Variants in MMP8 observed in about 807,000 individuals in gnomAD.
MMP8 encodes the protein neutrophil collagenase.
A neutral mutation model predicts 51.2 loss-of-function variants in MMP8; 67 were observed. The ratio of observed to expected loss-of-function variants is 1.31; its 90% CI spans 1.08 to 1.60. MMP8 has a LOEUF of 1.60. Ranked by LOEUF, MMP8 falls within the 40% of genes most tolerant of loss-of-function variation. The pLI is 0.00. For synonymous variants in MMP8, 225 were observed against 191.0 expected, an observed-to-expected ratio of 1.18 and a Z score of -1.47; for missense variants, 654 against 558.1, an observed-to-expected ratio of 1.17 and a Z score of -1.73.
rs971169359 is a variant in MMP8, at chr11:102,716,320, AT to A, written c.883del (p.Ile295TyrfsTer21). ...FDAITTLRGEILFFKDRYFWR... is the reference protein window; with the variant it reads ...FDAITTLRGEXLFFKDRYFWR... ...TTTATACCTGTCTTTAAAGAAAAGTATTTCTCCACGGAGTGTGGTGATAGCA... is the reference window on the plus strand; with the variant it reads ...TTTATACCTGTCTTTAAAGAAAAGTATTCTCCACGGAGTGTGGTGATAGCA... On this transcript the variant is annotated frameshift_variant, in exon 6 of 10. Transcript: ENST00000236826. LOFTEE classifies it high-confidence loss of function. 3.7e-5 allele frequency: 57 copies of A among 1,548,396 alleles called. No homozygotes were observed. Among genetic ancestry groups the A allele is most frequent in the Non-Finnish European group, 4.9e-5 (56 of 1,139,780 alleles).
chr11:102,716,158 T>C (rs1861286017), intron 6 of MMP8, 144 bp downstream of exon 6: 1 of 536,626 alleles, frequency 1.9e-6, no homozygotes, highest in Non-Finnish European at 3.3e-6. Flanking sequence ...ATCCTAGTGG[T>C]GCCCCAGAAC....
At chr11:102,723,440 C>A in intron 1 of MMP8, 1 of 434,494 alleles carries the variant, frequency 2.3e-6, no homozygotes, top group Non-Finnish European at 4.6e-6. Flanking sequence ...ATATCTGAAG[C>A]TGGGTAACTT....
Position 102,721,702 on chromosome 11 carries a change from G to C in MMP8, c.408C>G (p.Ala136=). ...GTGATGCAACACTCCAGAGTTCAAA[G>C]GCATCCTTGATAGCTCTTTCTACCT... ...EAEVERAIKD[A]FELWSVASPL... Residue 136 remains alanine, a synonymous_variant, in exon 3 of 10, where the codon GCC becomes GCG. Transcript: ENST00000236826. 1 of 1,613,828 alleles carries C rather than the reference G, an allele frequency of 6.2e-7. No individual in the cohort carries two copies. The highest frequency in any genetic ancestry group is 1.1e-5 in the South Asian group (1 of 91,074).
At chr11:102,723,202 G>C (rs1861525698) in intron 1 of MMP8, 1 of 462,402 alleles carries the variant, frequency 2.2e-6, no homozygotes, top group Non-Finnish European at 4.0e-6. Flanking sequence ...ATATCTTTTA[G>C]GGGAACAGCA....
At chr11:102,717,467 T>C (rs1861331704) in intron 5 of MMP8, among the ~76,000 whole-genome samples, 1 of 152,242 alleles carries the variant, frequency 6.6e-6, no homozygotes, top group East Asian at 1.9e-4. Context: ...ATATATTGTG[T>C]AATTTAATTA....
At chr11:102,724,118 A>G (rs1276090867) in intron 1 of MMP8, among the ~76,000 whole-genome samples, 1 of 152,216 alleles carries the variant, frequency 6.6e-6, no homozygotes, top group Non-Finnish European at 1.5e-5. Flanking sequence ...TCTCCAAACT[A>G]TAATGCTAAG....
chr11:102,716,438 A>T lies in MMP8; in HGVS notation c.785-19T>A. 7.0e-7 allele frequency: 1 copy of T among 1,437,296 alleles called. No homozygotes were observed. Among genetic ancestry groups the T allele is most frequent in the Non-Finnish European group, 9.5e-7 (1 of 1,053,074 alleles). The allele number at this position is 1,437,296 out of a possible 1,614,324, so 89.0% of individuals were successfully genotyped here. On this transcript the variant is annotated intron_variant, in intron 5 of 9. Transcript: ENST00000236826. ...GAAAGTCCTGGAAAAAAAAAAAAAA[A>T]AAAAAAAAAGGTCTTTCTTATGAGA...
chr11:102,720,768 A>G (rs938254667), intron 4 of MMP8, among the ~76,000 whole-genome samples: 2 of 152,152 alleles, frequency 1.3e-5, no homozygotes, highest in African/African-American at 4.8e-5. Flanking sequence ...ATGAGAGGGA[A>G]GGTGTCTGTT....
In MMP8 at chr11:102,713,282, A is replaced by T. The variant is rs367905238; in HGVS notation, c.*66T>A. On this transcript the variant is annotated 3_prime_UTR_variant, in exon 10 of 10. Transcript: ENST00000236826. ...AAAAGTATAAGCAGGACACAATGTA[A>T]CGAAAATGCTTGCTGAACTTCCCTT... is the stretch of plus-strand genomic sequence containing the variant. The T allele has an allele frequency of 1.4e-5, 15 of 1,090,540 alleles. No individual in the cohort carries two copies. Among genetic ancestry groups the T allele is most frequent in the African/African-American group, 1.2e-4 (8 of 64,272 alleles). The allele number at this position is 1,090,540 out of a possible 1,614,324, so 67.6% of individuals were successfully genotyped here. A position where few individuals can be genotyped will look rare whatever the true frequency, so the allele number is the denominator to read the frequency against.
chr11:102,722,213 T>G (rs578005585), intron 2 of MMP8, among the ~76,000 whole-genome samples: 1 of 152,166 alleles, frequency 6.6e-6, no homozygotes, highest in African/African-American at 2.4e-5. Context: ...CTCTTTAGAT[T>G]GTTGGAGAAG....
chr11:102,723,296 A>C (rs7123682), intron 1 of MMP8, among the ~76,000 whole-genome samples: 21,978 of 152,200 alleles, frequency 0.14, 2,215 homozygotes, highest in East Asian at 0.54. Context: ...GTTTAGCCTA[A>C]AAATTACCTA....
At position 102,724,898 on chromosome 11, in the gene MMP8, C is replaced by T. The variant is rs752268472; in HGVS notation, c.-43G>A. The T allele has an allele frequency of 2.5e-6, 4 of 1,586,548 alleles. No individual in the cohort carries two copies. In the African/African-American group the frequency reaches 5.4e-5, roughly 21 times the overall value. On this transcript the variant is annotated 5_prime_UTR_variant, in exon 1 of 10. Transcript: ENST00000236826. Reference sequence around the variant, plus strand: ...CTACCCCTCCTGGCTTTCTTTCTGTCCCTCTGGGTAGGGCCCTTCCCTGGC... The same window carrying T: ...CTACCCCTCCTGGCTTTCTTTCTGTTCCTCTGGGTAGGGCCCTTCCCTGGC...
At chr11:102,722,854 T>A in intron 1 of MMP8, 181 bp from the exon 2 acceptor site, 1 of 1,066,314 alleles carries the variant, frequency 9.4e-7, no homozygotes, top group Non-Finnish European at 1.3e-6. Flanking sequence ...GAACAGTTCC[T>A]CCACTCAGTG....
chr11:102,718,885 G>A (rs1038100536), intron 4 of MMP8, among the ~76,000 whole-genome samples: 7 of 152,156 alleles, frequency 4.6e-5, no homozygotes, highest in South Asian at 2.1e-4. Context: ...TGGCAGAGCC[G>A]TCATGACTTT....
At chr11:102,723,438 A>C (rs34546185) in intron 1 of MMP8, 1 of 432,654 alleles carries the variant, frequency 2.3e-6, no homozygotes, top group Non-Finnish European at 4.6e-6. Flanking sequence ...GAATATCTGA[A>C]GCTGGGTAAC....
chr11:102,718,464 C>T lies in MMP8; in HGVS notation c.734G>A (p.Ser245Asn). ...GTCATCTTGAGGGAGTGAGTAGTTG[C>T]TGGTTTCCCTGAAAGCATAGTTGGG... ...MYPNYAFRET[S>N]NYSLPQDDID... Residue 245 changes from serine to asparagine, a missense_variant, in exon 5 of 10, where the codon AGC becomes AAC. Ser to Asn is a conservative substitution (Grantham distance 46). Transcript: ENST00000236826. 1.2e-6 allele frequency: 2 copies of T among 1,613,664 alleles called. No homozygotes were observed. Among genetic ancestry groups the T allele is most frequent in the Non-Finnish European group, 1.7e-6 (2 of 1,179,844 alleles).
At chr11:102,719,551 A>G (rs985559863) in intron 4 of MMP8, among the ~76,000 whole-genome samples, 1 of 152,240 alleles carries the variant, frequency 6.6e-6, no homozygotes, top group Non-Finnish European at 1.5e-5. Context: ...TCCCTCAACT[A>G]GTAAGTGACA....
At chr11:102,723,035 C>T (rs1565442452) in intron 1 of MMP8, 3 of 1,293,658 alleles carry the variant, frequency 2.3e-6, no homozygotes, top group South Asian at 2.5e-5. Context: ...AGTGCAGTTC[C>T]TCTTTTTTAT....
intron 1 of MMP8, chr11:102,722,944 C>G: frequency 8.0e-7 from 1 of 1,250,982 alleles, no homozygotes; most frequent in East Asian, 3.9e-5. Flanking sequence ...TGCTACTCTA[C>G]AGTCAGGAGA....
Sources: allele counts gnomAD v4.1 joint callset (sites outside exome capture counted in the v4.1 genomes callset), GRCh38; gene constraint gnomAD v4.1.1; transcripts MANE v1.5; gene names NCBI Gene and HGNC (gene_info 2026-07-23, HGNC 2026-07-21).